PIBF1: variants seen among roughly 807,000 people sequenced by gnomAD.
The protein encoded by PIBF1 is progesterone-induced-blocking factor 1.
In PIBF1, 90 loss-of-function variants were observed where a neutral mutation model predicts 112.5. That is an observed-to-expected ratio of 0.80 (90% CI 0.67 to 0.95). The LOEUF (loss-of-function observed/expected upper bound fraction) is 0.95, where lower values mean the gene tolerates loss of function less well. Ranked by LOEUF, PIBF1 falls within the 40% of genes least tolerant of loss-of-function variation. The pLI is 0.00. For missense variants in PIBF1, 915 were observed against 852.3 expected (o/e 1.07, Z -0.92); for synonymous variants, 301 against 288.6 (o/e 1.04, Z -0.44).
chr13:72,924,638 C>T (rs913797273), intron 13 of PIBF1, among the ~76,000 whole-genome samples: 6 of 151,852 alleles, frequency 4.0e-5, no homozygotes, highest in African/African-American at 7.3e-5. Context: ...GTCACTTGAG[C>T]GCAGGAGGTC....
rs116679775 is a variant in PIBF1, at chr13:72,927,899, C to A, written c.1731-3266C>A. On this transcript the variant is annotated intron_variant, in intron 13 of 17. Transcript: ENST00000326291. ...TACTACATTAGTGGGCTAAATGGGT[C>A]TTTTAGGGCAACTGAGAACTTTAAT... Among the ~76,000 whole-genome samples the A allele has an allele frequency of 6.1e-3, 890 of 144,978 alleles. 10 individuals are homozygous for A. The highest frequency in any genetic ancestry group is 0.021 in the African/African-American group (841 of 39,152).
chr13:72,787,989 G>A (rs2034693157), intron 2 of PIBF1, among the ~76,000 whole-genome samples: 1 of 152,160 alleles, frequency 6.6e-6, no homozygotes, highest in Non-Finnish European at 1.5e-5. Flanking sequence ...GAAACTTAAA[G>A]CCTAGGTCTT....
Position 72,821,981 on chromosome 13 carries a change from A to T in PIBF1, c.805A>T (p.Ser269Cys). The change falls in exon 6 of 18, where the codon AGT becomes TGT. Residue 269 changes from serine to cysteine, a missense_variant and splice_region_variant. Coordinates refer to ENST00000326291, the MANE Select transcript of PIBF1 (RefSeq NM_006346.4). ...TCAAGAGAACTATGATAAAGTCAAG[A>T]GGTAAGTAGTTAAAATGGCTGCAGT... ...YRQENYDKVK[S>C]ERDALEQEVI... The T allele has an allele frequency of 1.2e-6, 2 of 1,607,028 alleles. No homozygotes were observed. The highest frequency in any genetic ancestry group is 1.7e-6 in the Non-Finnish European group (2 of 1,177,100).
chr13:72,998,490 C>T (rs996124051), intron 16 of PIBF1, among the ~76,000 whole-genome samples: 1 of 151,584 alleles, frequency 6.6e-6, no homozygotes, highest in East Asian at 1.9e-4. Context: ...AAAAAAATTC[C>T]AAAGCCCAGG....
At chr13:72,927,946 T>TATATATATATATATAC (rs1566457539) in intron 13 of PIBF1, among the ~76,000 whole-genome samples, 1 of 56,674 alleles carries the variant, frequency 1.8e-5, no homozygotes, top group African/African-American at 1.2e-4. Context: ...TATATGTGTG[T>TATATATATATATATAC]ATATATATAT....
chr13:72,946,982 C>T (rs1039166807), intron 14 of PIBF1, among the ~76,000 whole-genome samples: 1 of 152,196 alleles, frequency 6.6e-6, no homozygotes, highest in Non-Finnish European at 1.5e-5. Context: ...TCTCACGGCT[C>T]CACTAGGCAG....
At chr13:73,013,398 C>G (rs569011327) in intron 17 of PIBF1, among the ~76,000 whole-genome samples, 3 of 150,410 alleles carry the variant, frequency 2.0e-5, no homozygotes, top group Non-Finnish European at 4.4e-5. Context: ...GAATTTCCCC[C>G]AAACTAATGT....
At chr13:72,803,241 G>GT (rs772988586) in intron 5 of PIBF1, among the ~76,000 whole-genome samples, 9 of 147,108 alleles carry the variant, frequency 6.1e-5, no homozygotes, top group East Asian at 4.0e-4. Flanking sequence ...TTTTTTTTTT[G>GT]TTTTTTTGTT....
intron 14 of PIBF1, among the ~76,000 whole-genome samples, chr13:72,961,588 A>G (rs1025329403): frequency 1.3e-5 from 2 of 152,180 alleles, no homozygotes; most frequent in African/African-American, 4.8e-5. Context: ...TTATCGCCAA[A>G]TAGTATCTAA....
chr13:72,869,658 G>A (rs568978008), intron 10 of PIBF1, among the ~76,000 whole-genome samples: 12 of 151,446 alleles, frequency 7.9e-5, no homozygotes, highest in Admixed American at 3.9e-4. Context: ...AAAAAATAAA[G>A]CATTCCACTT....
At chr13:72,904,433 C>CTTTTGTTTTTTTTTTTTTTTTTT (rs2040611555) in intron 11 of PIBF1, among the ~76,000 whole-genome samples, 1 of 36,558 alleles carries the variant, frequency 2.7e-5, no homozygotes, top group Non-Finnish European at 4.6e-5. Flanking sequence ...CAAAATATTT[C>CTTTTGTTTTTTTTTTTTTTTTTT]TTTTTTTTTT....
chr13:72,962,940 AC>A (rs1165731477), intron 14 of PIBF1, among the ~76,000 whole-genome samples: 1 of 152,118 alleles, frequency 6.6e-6, no homozygotes, highest in Non-Finnish European at 1.5e-5. Context: ...GGACATAAAA[AC>A]CCACGGAATA....
chr13:72,892,915 C>T (rs1439528279), intron 10 of PIBF1, among the ~76,000 whole-genome samples: 7 of 151,968 alleles, frequency 4.6e-5, no homozygotes, highest in African/African-American at 1.4e-4. Flanking sequence ...ATTGAATTTT[C>T]GTGTTTATTT....
At chr13:72,926,731 A>C (rs978438751) in intron 13 of PIBF1, among the ~76,000 whole-genome samples, 1 of 152,186 alleles carries the variant, frequency 6.6e-6, no homozygotes, top group East Asian at 1.9e-4. Flanking sequence ...CATCCTCTAC[A>C]TAGGCATTTC....
intron 2 of PIBF1, among the ~76,000 whole-genome samples, chr13:72,791,073 T>TTTGTTTGTTTG (rs555549390): frequency 1.6e-5 from 2 of 125,892 alleles, no homozygotes; most frequent in African/African-American, 5.2e-5. Flanking sequence ...TTGTTTGTTT[T>TTTGTTTGTTTG]AGATGGAGTC....
At chr13:72,965,647 C>G (rs1222519177) in intron 15 of PIBF1, among the ~76,000 whole-genome samples, 1 of 152,140 alleles carries the variant, frequency 6.6e-6, no homozygotes, top group Admixed American at 6.5e-5. Flanking sequence ...GCATAACATT[C>G]CATCTATCCT....
At chr13:72,914,744 C>A (rs2041022967) in intron 12 of PIBF1, among the ~76,000 whole-genome samples, 1 of 151,964 alleles carries the variant, frequency 6.6e-6, no homozygotes, top group African/African-American at 2.4e-5. Context: ...GCCATCATGC[C>A]CAACTAATTA....
At chr13:72,963,876 G>C (rs1311725355) in intron 14 of PIBF1, among the ~76,000 whole-genome samples, 1 of 152,160 alleles carries the variant, frequency 6.6e-6, no homozygotes, top group African/African-American at 2.4e-5. Flanking sequence ...CAAATTTCTT[G>C]CTGGTAGGAA....
chr13:72,898,574 C>T (rs751108228), intron 11 of PIBF1, among the ~76,000 whole-genome samples: 7 of 151,852 alleles, frequency 4.6e-5, no homozygotes, highest in Middle Eastern at 3.4e-3. Context: ...CGGTGGCTCA[C>T]GCCTGTAATC....
Sources: allele counts gnomAD v4.1 joint callset (sites outside exome capture counted in the v4.1 genomes callset), GRCh38; gene constraint gnomAD v4.1.1; transcripts MANE v1.5; gene names NCBI Gene and HGNC (gene_info 2026-07-23, HGNC 2026-07-21).